ARMC2: variants seen among roughly 807,000 people sequenced by gnomAD.
ARMC2 encodes armadillo repeat-containing protein 2.
Under a neutral mutation model 90.3 loss-of-function variants are expected in ARMC2, and 67 were observed. That is an observed-to-expected ratio of 0.74 (90% CI 0.61 to 0.91). The LOEUF (loss-of-function observed/expected upper bound fraction) is 0.91. ARMC2 is among the 40% of genes least tolerant of loss of function. The pLI, the probability that ARMC2 is intolerant of heterozygous loss-of-function variation, is 0.00. For synonymous variants in ARMC2, 393 were observed against 393.0 expected (o/e 1.00, Z 0.00); for missense variants, 920 against 1,030.9 (o/e 0.89, Z 1.47).
chr6:109,034,519 T>C, the ARMC2 span, among the ~76,000 whole-genome samples: 1 of 152,210 alleles, frequency 6.6e-6, no homozygotes, highest in Non-Finnish European at 1.5e-5. Context: ...AAATGTGTAG[T>C]TTCCCTAGCA....
intron 10 of ARMC2, among the ~76,000 whole-genome samples, chr6:108,915,732 G>A (rs1231556203): frequency 6.6e-6 from 1 of 152,152 alleles, no homozygotes; most frequent in Non-Finnish European, 1.5e-5. Flanking sequence ...CTTGGAAGGT[G>A]AGATTCACAA....
chr6:108,987,568 T>A, the ARMC2 span: 8 of 1,602,476 alleles, frequency 5.0e-6, no homozygotes, highest in Non-Finnish European at 6.8e-6. Context: ...GGGTAATGGC[T>A]CTCAGAGCAT....
chr6:108,932,927 T>C (rs1257989138), intron 11 of ARMC2, among the ~76,000 whole-genome samples: 8 of 152,194 alleles, frequency 5.3e-5, no homozygotes, highest in African/African-American at 1.9e-4. Flanking sequence ...TCCATGTGCC[T>C]GTTTTTGTAC....
chr6:109,005,920 A>C, the ARMC2 span, among the ~76,000 whole-genome samples: 1 of 152,230 alleles, frequency 6.6e-6, no homozygotes, highest in Non-Finnish European at 1.5e-5. Context: ...CAGAAGTAGC[A>C]GAGGAAGAGA....
At chr6:109,039,334 A>T in the ARMC2 span, among the ~76,000 whole-genome samples, 1 of 152,260 alleles carries the variant, frequency 6.6e-6, no homozygotes, top group African/African-American at 2.4e-5. Context: ...TAGCTTATTA[A>T]TCATACCATC....
intron 11 of ARMC2, among the ~76,000 whole-genome samples, chr6:108,935,115 C>T (rs1775854749): frequency 6.6e-6 from 1 of 152,082 alleles, no homozygotes; most frequent in Admixed American, 6.6e-5. Flanking sequence ...CACTGTGTTA[C>T]CTTGCCTCTT....
At chr6:108,866,270 G>A (rs1161289021) in intron 3 of ARMC2, among the ~76,000 whole-genome samples, 1 of 152,108 alleles carries the variant, frequency 6.6e-6, no homozygotes, top group East Asian at 1.9e-4. Flanking sequence ...TACAGTCTTA[G>A]CTTTTCTGTT....
the ARMC2 span, chr6:108,998,920 A>C: frequency 1.6e-4 from 103 of 625,100 alleles, no homozygotes; most frequent in African/African-American, 1.8e-3. Context: ...ATTTTTATGA[A>C]TATGCATTCA....
chr6:108,884,883 A>G (rs1490019693), intron 5 of ARMC2, among the ~76,000 whole-genome samples: 1 of 152,186 alleles, frequency 6.6e-6, no homozygotes, highest in Non-Finnish European at 1.5e-5. Context: ...GCACGGCACC[A>G]GGGCATTCAG....
intron 11 of ARMC2, among the ~76,000 whole-genome samples, chr6:108,930,961 A>T (rs1227080956): frequency 1.4e-5 from 2 of 147,792 alleles, no homozygotes; most frequent in Non-Finnish European, 3.0e-5. Context: ...GGTTTGTTAC[A>T]TAGGTAAACT....
intron 13 of ARMC2, among the ~76,000 whole-genome samples, chr6:108,958,903 C>T (rs1480032596): frequency 6.6e-6 from 1 of 152,214 alleles, no homozygotes; most frequent in Non-Finnish European, 1.5e-5. Flanking sequence ...TGAGTAAGGT[C>T]ACACGGCCAG....
intron 10 of ARMC2, among the ~76,000 whole-genome samples, chr6:108,921,042 T>C (rs1345815599): frequency 6.6e-6 from 1 of 152,218 alleles, no homozygotes; most frequent in Non-Finnish European, 1.5e-5. Context: ...TCACTGTAGA[T>C]CTATTAGTTG....
chr6:108,907,812 G>A (rs1305443176), intron 8 of ARMC2: 32 of 1,608,332 alleles, frequency 2.0e-5, no homozygotes, highest in Non-Finnish European at 2.7e-5. Flanking sequence ...ATCCAGCTTG[G>A]CAGCTCCCCC....
the ARMC2 span, among the ~76,000 whole-genome samples, chr6:109,004,997 G>A: frequency 1.3e-5 from 2 of 152,112 alleles, no homozygotes; most frequent in Admixed American, 6.5e-5. Context: ...TACTACAACC[G>A]CTAGGAAGGG....
intron 5 of ARMC2, among the ~76,000 whole-genome samples, chr6:108,892,223 G>A (rs1771144828): frequency 6.6e-6 from 1 of 152,044 alleles, no homozygotes; most frequent in Non-Finnish European, 1.5e-5. Context: ...AACTTCCTTG[G>A]CTCCACACCC....
rs181487549 is a variant in ARMC2 at position 108,899,645 on chromosome 6, A to G, written c.749-49A>G. ...TAAAGGCTTTTGACCATGCTTCATGACAACTCCTTTTTCATAGCTTTTTCT... is the reference window on the plus strand; with the variant it reads ...TAAAGGCTTTTGACCATGCTTCATGGCAACTCCTTTTTCATAGCTTTTTCT... On this transcript the variant is annotated intron_variant, in intron 6 of 17. Transcript: ENST00000392644. The G allele has an allele frequency of 9.9e-6, 14 of 1,418,618 alleles. No individual in the cohort carries two copies. In the East Asian group the frequency reaches 3.2e-4, roughly 33 times the overall value. 87.9% of individuals were successfully genotyped at this position (1,418,618 alleles called of 1,614,324 possible).
chr6:109,037,272 T>C, the ARMC2 span, among the ~76,000 whole-genome samples: 1 of 152,232 alleles, frequency 6.6e-6, no homozygotes. Flanking sequence ...CCATTAAGGT[T>C]ATAAAAATTT....
intron 5 of ARMC2, among the ~76,000 whole-genome samples, chr6:108,890,941 T>C (rs895968383): frequency 2.8e-5 from 4 of 144,614 alleles, no homozygotes; most frequent in African/African-American, 1.0e-4. Context: ...GTGTGTGATG[T>C]GCCCCTCTCT....
intron 11 of ARMC2, among the ~76,000 whole-genome samples, chr6:108,930,366 T>C (rs1775434122): frequency 6.6e-6 from 1 of 152,050 alleles, no homozygotes; most frequent in Admixed American, 6.5e-5. Flanking sequence ...TTATTGTAAT[T>C]CTTTCCCCTG....
Sources: allele counts gnomAD v4.1 joint callset (sites outside exome capture counted in the v4.1 genomes callset), GRCh38; gene constraint gnomAD v4.1.1; transcripts MANE v1.5; gene names NCBI Gene and HGNC (gene_info 2026-07-23, HGNC 2026-07-21).